Variants in RABGAP1L observed in about 807,000 individuals in gnomAD.
The protein encoded by RABGAP1L is rab GTPase-activating protein 1-like.
Under a neutral mutation model 137.7 loss-of-function variants are expected in RABGAP1L, and 63 were observed. The observed-to-expected ratio is 0.46, with a 90% confidence interval of 0.37 to 0.56. The LOEUF (loss-of-function observed/expected upper bound fraction) is 0.56, where lower values mean the gene tolerates loss of function less well. RABGAP1L is among the 20% of genes least tolerant of loss of function. The probability of loss-of-function intolerance (pLI) is 0.00; values close to 1 mark genes in which losing one functional copy is unlikely to be tolerated. For missense variants in RABGAP1L, 1,095 were observed against 1,244.0 expected (o/e 0.88, Z 1.80); for synonymous variants, 431 against 433.7 (o/e 0.99, Z 0.08).
At chr1:174,706,293 A>G (rs1680040870) in intron 17 of RABGAP1L, among the ~76,000 whole-genome samples, 1 of 152,202 alleles carries the variant, frequency 6.6e-6, no homozygotes, top group African/African-American at 2.4e-5. Context: ...ATCTGAATAT[A>G]TGATAACATG....
At chr1:174,323,720 G>A (rs1409139573) in intron 11 of RABGAP1L, among the ~76,000 whole-genome samples, 1 of 152,052 alleles carries the variant, frequency 6.6e-6, no homozygotes, top group Non-Finnish European at 1.5e-5. Context: ...ATGTCATCCA[G>A]TAGCCACATA....
At chr1:174,489,714 C>A (rs558589403) in intron 13 of RABGAP1L, among the ~76,000 whole-genome samples, 200 of 152,254 alleles carry the variant, frequency 1.3e-3, no homozygotes, top group African/African-American at 3.9e-3. Context: ...ATGCTGCTAT[C>A]AAGACACGTG....
chr1:174,185,551 G>A (rs1456834786), intron 1 of RABGAP1L, among the ~76,000 whole-genome samples: 1 of 152,100 alleles, frequency 6.6e-6, no homozygotes, highest in East Asian at 1.9e-4. Context: ...AAGAATACAA[G>A]TAAAAAGTGC....
chr1:174,385,051 G>T (rs527674182), intron 12 of RABGAP1L, among the ~76,000 whole-genome samples: 1 of 152,084 alleles, frequency 6.6e-6, no homozygotes, highest in African/African-American at 2.4e-5. Flanking sequence ...TTTTGATTTA[G>T]CCATTTTAAA....
At chr1:174,624,728 A>G (rs1450209176) in intron 13 of RABGAP1L, among the ~76,000 whole-genome samples, 1 of 152,084 alleles carries the variant, frequency 6.6e-6, no homozygotes, top group Admixed American at 6.5e-5. Context: ...TTGCCATTCC[A>G]CTTCCACTTC....
At chr1:174,929,753 A>AAAAT (rs61539169) in intron 19 of RABGAP1L, among the ~76,000 whole-genome samples, 33,396 of 140,670 alleles carry the variant, frequency 0.24, 4,323 homozygotes, top group African/African-American at 0.34. Flanking sequence ...GTCTCTACAA[A>AAAAT]AAATAAATAA....
At chr1:174,482,050 A>G (rs1207667491) in intron 13 of RABGAP1L, among the ~76,000 whole-genome samples, 2 of 152,210 alleles carry the variant, frequency 1.3e-5, no homozygotes, top group African/African-American at 4.8e-5. Flanking sequence ...ACATCTTTAG[A>G]AATAAAAGAG....
intron 13 of RABGAP1L, among the ~76,000 whole-genome samples, chr1:174,482,053 TAAAAG>T (rs1659151541): frequency 6.6e-6 from 1 of 152,056 alleles, no homozygotes; most frequent in Non-Finnish European, 1.5e-5. Context: ...TCTTTAGAAA[TAAAAG>T]AGGGAGTCAG....
chr1:174,658,721 C>T (rs1181727106), intron 14 of RABGAP1L, among the ~76,000 whole-genome samples: 1 of 152,056 alleles, frequency 6.6e-6, no homozygotes, highest in Non-Finnish European at 1.5e-5. Context: ...CCACACCAGG[C>T]CACCCCTGTG....
At chr1:174,429,933 A>G (rs538199570) in intron 13 of RABGAP1L, among the ~76,000 whole-genome samples, 3 of 152,222 alleles carry the variant, frequency 2.0e-5, no homozygotes, top group Admixed American at 2.0e-4. Flanking sequence ...ATATTACTAC[A>G]TTTGTTACTG....
chr1:174,889,798 C>T (rs975877750), intron 19 of RABGAP1L, among the ~76,000 whole-genome samples: 4 of 152,074 alleles, frequency 2.6e-5, no homozygotes, highest in African/African-American at 9.7e-5. Flanking sequence ...GGTGCAATCA[C>T]GGCTCACTGC....
rs77801288 is a variant in RABGAP1L at position 174,734,213 on chromosome 1, G to C, written c.2170-18100G>C. On this transcript the variant is annotated intron_variant, in intron 17 of 25. Coordinates refer to ENST00000681986, the MANE Select transcript of RABGAP1L (RefSeq NM_001366446.1). Reference sequence around the variant, plus strand: ...ATATATGATTCTGGAGTTCAGAGGAGATAGTGAGGCTAAAACGTTGATTTG... The same window carrying C: ...ATATATGATTCTGGAGTTCAGAGGACATAGTGAGGCTAAAACGTTGATTTG... 6.7e-3 allele frequency among the ~76,000 whole-genome samples: 1,021 copies of C among 152,244 alleles called. 9 individuals carry two copies. Among genetic ancestry groups the C allele is most frequent in the Non-Finnish European group, 0.011 (737 of 68,024 alleles).
chr1:174,627,976 T>C (rs1274081658), intron 13 of RABGAP1L, among the ~76,000 whole-genome samples: 1 of 152,154 alleles, frequency 6.6e-6, no homozygotes, highest in Non-Finnish European at 1.5e-5. Context: ...CTATTTTTTA[T>C]CTTTAAAAGC....
chr1:174,499,387 C>T (rs1265109583), intron 13 of RABGAP1L, among the ~76,000 whole-genome samples: 1 of 152,020 alleles, frequency 6.6e-6, no homozygotes, highest in East Asian at 1.9e-4. Flanking sequence ...AGGAAAACTA[C>T]AGGTATATTT....
intron 10 of RABGAP1L, among the ~76,000 whole-genome samples, chr1:174,289,086 G>C (rs565110885): frequency 6.6e-6 from 1 of 152,228 alleles, no homozygotes; most frequent in South Asian, 2.1e-4. Flanking sequence ...CACCCAGCCT[G>C]GAATGCAGTG....
intron 4 of RABGAP1L, among the ~76,000 whole-genome samples, chr1:174,232,984 A>AT (rs1670811862): frequency 6.6e-6 from 1 of 151,740 alleles, no homozygotes; most frequent in Non-Finnish European, 1.5e-5. Flanking sequence ...ACAGATAATT[A>AT]TTTTTCACAG....
intron 17 of RABGAP1L, among the ~76,000 whole-genome samples, chr1:174,731,441 T>G (rs778596445): frequency 3.9e-5 from 6 of 152,258 alleles, no homozygotes; most frequent in Non-Finnish European, 8.8e-5. Context: ...CAGTGTACTT[T>G]GATAACTTTT....
At chr1:174,251,718 T>C (rs1484705213) in intron 6 of RABGAP1L, among the ~76,000 whole-genome samples, 1 of 152,196 alleles carries the variant, frequency 6.6e-6, no homozygotes, top group Non-Finnish European at 1.5e-5. Flanking sequence ...TACATCACAG[T>C]CATCTCAAAT....
At chr1:174,754,071 G>C (rs1362884516) in intron 18 of RABGAP1L, among the ~76,000 whole-genome samples, 1 of 151,956 alleles carries the variant, frequency 6.6e-6, no homozygotes, top group Non-Finnish European at 1.5e-5. Flanking sequence ...CATTTATTTT[G>C]TCCATGTTAA....
Sources: gnomAD v4.1 joint callset for allele counts (sites outside exome capture counted in the v4.1 genomes callset) on GRCh38, gnomAD v4.1.1 for gene constraint, MANE v1.5 for transcripts, NCBI Gene and HGNC (gene_info 2026-07-23, HGNC 2026-07-21) for gene names.